Variants in AFF3 observed in about 807,000 individuals in gnomAD.
AFF3 encodes the protein ALF transcription elongation factor 3, also known as AF4/FMR2 family member 3.
Under a neutral mutation model 129.7 loss-of-function variants are expected in AFF3, and 32 were observed. That is an observed-to-expected ratio of 0.25 (90% CI 0.19 to 0.33). AFF3 has a LOEUF of 0.33. Among genes scored for constraint, AFF3 ranks in the 10% least tolerant of loss-of-function variants. AFF3 has a pLI of 1.00. For synonymous variants in AFF3, 644 were observed against 635.4 expected, an observed-to-expected ratio of 1.01 and a Z score of -0.20; for missense variants, 1,373 against 1,592.0, an observed-to-expected ratio of 0.86 and a Z score of 2.34.
intron 17 of AFF3, among the ~76,000 whole-genome samples, chr2:99,580,321 T>G (rs901050663): frequency 6.6e-6 from 1 of 152,190 alleles, no homozygotes; most frequent in African/African-American, 2.4e-5. Context: ...ATCCTGCCTA[T>G]GTATTTATCT....
At chr2:99,606,253 G>T (rs1680317803) in intron 13 of AFF3, among the ~76,000 whole-genome samples, 1 of 151,888 alleles carries the variant, frequency 6.6e-6, no homozygotes, top group Non-Finnish European at 1.5e-5. Context: ...TGACAGCAAG[G>T]CCCTGTAAAA....
chr2:99,893,891 T>TCC (rs1693750372), intron 7 of AFF3, among the ~76,000 whole-genome samples: 1 of 152,226 alleles, frequency 6.6e-6, no homozygotes, highest in Non-Finnish European at 1.5e-5. Context: ...TGAGTTTACA[T>TCC]CCCGTTCTGC....
At chr2:100,007,589 C>T (rs1328588667) in intron 5 of AFF3, 129 bp from the exon 6 acceptor site, 6 of 847,674 alleles carry the variant, frequency 7.1e-6, no homozygotes, top group East Asian at 2.4e-5. Context: ...GAGATGAAAT[C>T]GAAATCCTTA....
At chr2:99,579,621 G>A (rs1677337284) in intron 17 of AFF3, among the ~76,000 whole-genome samples, 1 of 152,110 alleles carries the variant, frequency 6.6e-6, no homozygotes, top group South Asian at 2.1e-4. Flanking sequence ...TCAGGAGGCT[G>A]AGGCAGGAGA....
At chr2:99,733,632 G>C (rs1465033112) in intron 10 of AFF3, among the ~76,000 whole-genome samples, 1 of 151,798 alleles carries the variant, frequency 6.6e-6, no homozygotes, top group Non-Finnish European at 1.5e-5. Context: ...TTTGTATATG[G>C]CGTGGGGTAG....
At chr2:99,591,900 GC>G (rs1678719234) in intron 15 of AFF3, among the ~76,000 whole-genome samples, 1 of 152,134 alleles carries the variant, frequency 6.6e-6, no homozygotes, top group African/African-American at 2.4e-5. Context: ...GACAATATTT[GC>G]CTCATAAAGT....
chr2:100,081,553 C>T (rs1213504159), intron 4 of AFF3, among the ~76,000 whole-genome samples: 1 of 152,164 alleles, frequency 6.6e-6, no homozygotes, highest in Non-Finnish European at 1.5e-5. Context: ...TGCACCCCCT[C>T]ATCATCTGGC....
intron 7 of AFF3, among the ~76,000 whole-genome samples, chr2:99,908,272 A>G (rs1193619392): frequency 1.3e-5 from 2 of 152,200 alleles, no homozygotes; most frequent in South Asian, 4.1e-4. Flanking sequence ...CTGGCTAGCC[A>G]TATGTAGAAA....
chr2:99,757,288 T>C (rs988130021), intron 8 of AFF3, among the ~76,000 whole-genome samples: 2 of 152,176 alleles, frequency 1.3e-5, no homozygotes, highest in Admixed American at 1.3e-4. Flanking sequence ...TCATGAGCGA[T>C]TCAAACTCAC....
intron 7 of AFF3, among the ~76,000 whole-genome samples, chr2:99,863,176 C>CT (rs1025659988): frequency 3.9e-5 from 6 of 152,162 alleles, no homozygotes; most frequent in African/African-American, 7.2e-5. Context: ...AAAGCGTAAG[C>CT]TTTTTTACAG....
rs111651819 is a variant in AFF3, at chr2:100,008,992, T to C, written c.54-60A>G. 2.8e-4 allele frequency: 438 copies of C among 1,584,690 alleles called. 2 individuals are homozygous for C. In the African/African-American group the frequency reaches 5.3e-3, roughly 19 times the overall value. On this transcript the variant is annotated intron_variant, in intron 4 of 24. Coordinates refer to ENST00000672756, the MANE Select transcript of AFF3 (RefSeq NM_001386135.1). ...ACACAAATTAAACTGTAAAGCCCAA[T>C]GTAACACTTGTGTGAGTGCAGAAGT...
chr2:99,970,318 C>G (rs1678231517), intron 7 of AFF3, among the ~76,000 whole-genome samples: 2 of 152,176 alleles, frequency 1.3e-5, no homozygotes, highest in Admixed American at 6.5e-5. Context: ...CCTTTCTCCC[C>G]TTCTGCTTTC....
chr2:99,967,354 C>T (rs2104391025), intron 7 of AFF3, among the ~76,000 whole-genome samples: 1 of 152,128 alleles, frequency 6.6e-6, no homozygotes, highest in South Asian at 2.1e-4. Context: ...ATCCTTTCTC[C>T]TGAGTGCCAG....
In AFF3 at chr2:100,079,451, C is replaced by A. The variant is rs970610578; in HGVS notation, c.53+24951G>T. On this transcript the variant is annotated intron_variant, in intron 4 of 24. Coordinates refer to ENST00000672756, the MANE Select transcript of AFF3 (RefSeq NM_001386135.1). ...TCAAGATTCTCAACTAGGTTACAAA[C>A]TCCTTGAGGGCAGATGCTGTCTAAA... 1.2e-4 allele frequency among the ~76,000 whole-genome samples: 18 copies of A among 152,224 alleles called. 1 individual carries two copies. The highest frequency in any genetic ancestry group is 3.3e-4 in the Admixed American group (5 of 15,288).
chr2:99,598,481 T>A lies in AFF3; in HGVS notation c.1371+2954A>T, dbSNP rs140287620. ...ACGCGGGAACATGGCATTACCATAC[T>A]ACAGTGATTTACGTGAAACAAATTG... is the stretch of plus-strand genomic sequence containing the variant. On this transcript the variant is annotated intron_variant, in intron 14 of 24. Transcript: ENST00000672756. Among the ~76,000 whole-genome samples, 439 of 152,252 alleles carry A rather than the reference T, an allele frequency of 2.9e-3. 3 individuals are homozygous for A. The highest frequency in any genetic ancestry group is 0.01 in the African/African-American group (423 of 41,548).
chr2:99,659,902 C>A lies in AFF3; in HGVS notation c.1144-10236G>T, dbSNP rs562230293. ...CACCAGATGAAAGCACTAAGTACTGCAGGTTCCATCATGACTCTGTGGCCT... is the reference window on the plus strand; with the variant it reads ...CACCAGATGAAAGCACTAAGTACTGAAGGTTCCATCATGACTCTGTGGCCT... On this transcript the variant is annotated intron_variant, in intron 12 of 24. Transcript: ENST00000672756. Among the ~76,000 whole-genome samples, 155 of 152,280 alleles carry A rather than the reference C, an allele frequency of 1.0e-3. 7 individuals are homozygous for A. In the South Asian group the frequency reaches 0.031, roughly 31 times the overall value.
intron 7 of AFF3, among the ~76,000 whole-genome samples, chr2:99,893,734 A>G (rs1043745497): frequency 2.6e-5 from 4 of 152,234 alleles, no homozygotes; most frequent in Non-Finnish European, 4.4e-5. Flanking sequence ...AAGAACATCA[A>G]CTAACACTAT....
intron 2 of AFF3, among the ~76,000 whole-genome samples, chr2:100,114,841 A>G (rs2105539586): frequency 6.6e-6 from 1 of 152,352 alleles, no homozygotes; most frequent in South Asian, 2.1e-4. Context: ...GTTCATTCCA[A>G]AATGAAAAGC....
chr2:99,691,010 G>T (rs537189181), intron 11 of AFF3, among the ~76,000 whole-genome samples: 1 of 151,950 alleles, frequency 6.6e-6, no homozygotes, highest in Non-Finnish European at 1.5e-5. Context: ...CATGTTGGAG[G>T]GACCCATTTC....
Sources: allele counts gnomAD v4.1 joint callset (sites outside exome capture counted in the v4.1 genomes callset), GRCh38; gene constraint gnomAD v4.1.1; transcripts MANE v1.5; gene names NCBI Gene and HGNC (gene_info 2026-07-23, HGNC 2026-07-21).